The following GZMK variants were observed in gnomAD, a reference collection of about 807,000 sequenced individuals.
GZMK encodes NK-Tryp-2.
A neutral mutation model predicts 22.8 loss-of-function variants in GZMK; 18 were observed. The observed-to-expected ratio is 0.79, with a 90% CI of 0.54 to 1.17. The LOEUF is 1.17. Ranked by LOEUF, GZMK falls within the 50% of genes most tolerant of loss-of-function variation. The pLI, the probability that GZMK is intolerant of heterozygous loss-of-function variation, is 0.00. For synonymous variants in GZMK, 136 were observed against 115.0 expected (o/e 1.18, Z -1.17); for missense variants, 342 against 320.2 (o/e 1.07, Z -0.52).
chr5:55,027,155 C>T (rs1196050069), intron 2 of GZMK, among the ~76,000 whole-genome samples: 1 of 152,214 alleles, frequency 6.6e-6, no homozygotes, highest in Non-Finnish European at 1.5e-5. Flanking sequence ...TAATACCTAT[C>T]TCACCACGCT....
Position 55,033,765 on chromosome 5 carries a change from G to A in GZMK, c.634G>A (p.Gly212Ser), listed in dbSNP as rs750194442. 1.3e-6 allele frequency: 2 copies of A among 1,593,060 alleles called. No homozygotes were observed. The highest frequency in any genetic ancestry group is 1.7e-6 in the Non-Finnish European group (2 of 1,174,278). Residue 212 changes from glycine (G) to serine (S), a missense_variant and splice_region_variant, in exon 5 of 5, where the codon GGT becomes AGT. Transcript: ENST00000231009. ...DAKGQKDSCK[G>S]DSGGPLICKG... ...TATTTGCCCTTTTTCTTCCTTCCAG[G>A]GTGACTCAGGGGGCCCCTTGATCTG...
intron 2 of GZMK, 121 bp downstream of exon 2, chr5:55,024,928 A>G (rs1014492259): frequency 2.2e-5 from 13 of 586,836 alleles, no homozygotes; most frequent in Middle Eastern, 5.6e-4. Context: ...TTACTGACCA[A>G]CTGGTGGCGT....
rs372016878 is a variant in GZMK, at chr5:55,033,872, C to A, written c.741C>A (p.Thr247=). ...AGCCTGGAATCTACACCCTGTTAAC[C>A]AAGAAATACCAGACTTGGATCAAAA... is the stretch of plus-strand genomic sequence containing the variant. The part of the protein sequence containing the change: ...ATKPGIYTLL[T]KKYQTWIKSN... The change falls in exon 5 of 5, where the codon ACC becomes ACA. Residue 247 remains threonine (T), a synonymous_variant. Transcript: ENST00000231009. 1 of 1,613,662 alleles carries A rather than the reference C, an allele frequency of 6.2e-7. No homozygotes were observed. Among genetic ancestry groups the A allele is most frequent in the Non-Finnish European group, 8.5e-7 (1 of 1,179,646 alleles).
At chr5:55,027,771 G>C (rs1445590775) in intron 2 of GZMK, 1 of 152,296 alleles carries the variant, frequency 6.6e-6, no homozygotes, top group African/African-American at 2.4e-5. Context: ...GGAAAGCTCA[G>C]GGTGGGACTC....
chr5:55,031,579 CACCAAAG>C lies in GZMK; in HGVS notation c.582_588del (p.Lys195TrpfsTer22). The C allele has an allele frequency of 1.9e-6, 3 of 1,613,882 alleles. No homozygotes were observed. The highest frequency in any genetic ancestry group is 2.5e-6 in the Non-Finnish European group (3 of 1,179,764). ...GTTACTACAACGGCGACCCTTTTAT[CACCAAAG>C]ACATGGTCTGTGCAGGAGATGCCAA... On this transcript the variant is annotated frameshift_variant, in exon 4 of 5. Transcript: ENST00000231009. LOFTEE classifies it high-confidence loss of function.
Position 55,024,309 on chromosome 5 carries a change from T to C in GZMK, c.-14T>C, listed in dbSNP as rs78213068. On this transcript the variant is annotated 5_prime_UTR_variant, in exon 1 of 5. Transcript: ENST00000231009. ...ACACATTTCATCTGGGCTTCTTAAA[T>C]CTAAATCTTTAAAATGACTAAGTTT... 2,073 of 1,253,942 alleles carry C rather than the reference T, an allele frequency of 1.7e-3. 32 individuals are homozygous for C. The African/African-American group carries it at 0.029, about 17-fold the overall frequency. 77.7% of individuals were successfully genotyped at this position (1,253,942 alleles called of 1,614,324 possible).
chr5:55,025,075 C>T (rs137905459), intron 2 of GZMK: 23 of 260,862 alleles, frequency 8.8e-5, no homozygotes, highest in East Asian at 6.8e-4. Flanking sequence ...AACAGTAATA[C>T]TTGAAGCAGC....
chr5:55,033,616 G>C, intron 4 of GZMK, 149 bp from the exon 5 acceptor site: 1 of 590,222 alleles, frequency 1.7e-6, no homozygotes, highest in Non-Finnish European at 3.0e-6. Context: ...AACCTATAAC[G>C]AGTAAGAGGC....
intron 4 of GZMK, 86 bp from the exon 5 acceptor site, chr5:55,033,679 C>G: frequency 2.2e-6 from 2 of 922,858 alleles, no homozygotes; most frequent in Non-Finnish European, 3.3e-6. Context: ...GATGATAATC[C>G]CTTGAGCAAT....
At position 55,030,584 on chromosome 5, in the gene GZMK, G is replaced by A. The variant is rs754305281; in HGVS notation, c.363G>A (p.Lys121=). The part of the protein sequence containing the change: ...DPQSNDIMLV[K]LQTAAKLNKH... ...AATCAAATGATATCATGCTGGTTAA[G>A]GTAGGTAGTAGCATTGTCTTCCTTC... The change falls in exon 3 of 5, where the codon AAG becomes AAA. Residue 121 remains lysine, a splice_region_variant and synonymous_variant. Coordinates refer to ENST00000231009, the MANE Select transcript of GZMK (RefSeq NM_002104.3). 3.1e-6 allele frequency: 5 copies of A among 1,608,746 alleles called. No individual in the cohort carries two copies. Among genetic ancestry groups the A allele is most frequent in the Non-Finnish European group, 4.3e-6 (5 of 1,175,380 alleles).
chr5:55,031,484 T>C lies in GZMK; in HGVS notation c.484T>C (p.Leu162=), dbSNP rs778595106. The C allele has an allele frequency of 6.2e-6, 10 of 1,614,088 alleles. No individual in the cohort carries two copies. Among genetic ancestry groups the C allele is most frequent in the Non-Finnish European group, 7.6e-6 (9 of 1,180,022 alleles). ...TGWGATDPDS[L]RPSDTLREVT... Reference sequence around the variant, plus strand: ...CTGGGGAGCCACCGATCCAGATTCATTAAGACCTTCTGACACCCTGCGAGA... The same window carrying C: ...CTGGGGAGCCACCGATCCAGATTCACTAAGACCTTCTGACACCCTGCGAGA... The change falls in exon 4 of 5, where the codon TTA becomes CTA. Residue 162 remains leucine (L), a synonymous_variant. Coordinates refer to ENST00000231009, the MANE Select transcript of GZMK (RefSeq NM_002104.3).
chr5:55,032,794 AG>A (rs1741254464), intron 4 of GZMK: 1 of 152,226 alleles, frequency 6.6e-6, no homozygotes, highest in South Asian at 2.1e-4. Context: ...TGAGATGGTA[AG>A]GAAAAAAATA....
chr5:55,032,619 C>A (rs920283573), intron 4 of GZMK: 2 of 152,252 alleles, frequency 1.3e-5, no homozygotes. Context: ...GTAGTCCCAC[C>A]TACTCAGGAG....
chr5:55,031,282 G>C, intron 3 of GZMK, 82 bp from the exon 4 acceptor site: 1 of 1,192,970 alleles, frequency 8.4e-7, no homozygotes, highest in South Asian at 1.4e-5. Flanking sequence ...GCCTAAGACA[G>C]AGGGACCACA....
chr5:55,033,025 A>C (rs931373747), intron 4 of GZMK, among the ~76,000 whole-genome samples: 2 of 152,224 alleles, frequency 1.3e-5, no homozygotes, highest in African/African-American at 4.8e-5. Context: ...TGCAGTTTGC[A>C]ATGTGAACAT....
intron 2 of GZMK, among the ~76,000 whole-genome samples, chr5:55,025,415 G>C (rs544767668): frequency 6.6e-6 from 1 of 152,258 alleles, no homozygotes; most frequent in East Asian, 1.9e-4. Flanking sequence ...CTTCTAGAAA[G>C]AGAAAGATAA....
chr5:55,025,787 T>A (rs1741134199), intron 2 of GZMK: 1 of 152,238 alleles, frequency 6.6e-6, no homozygotes, highest in Non-Finnish European at 1.5e-5. Flanking sequence ...ATTGAATTGA[T>A]TTGCTTTTCT....
chr5:55,025,601 TTTG>T (rs1439236980), intron 2 of GZMK: 6 of 150,922 alleles, frequency 4.0e-5, no homozygotes, highest in African/African-American at 1.5e-4. Flanking sequence ...TAATTTGGTA[TTTG>T]TTGTTTTGTT....
chr5:55,024,313 A>C lies in GZMK; in HGVS notation c.-10A>C, dbSNP rs1411179324. 1.5e-6 allele frequency: 2 copies of C among 1,302,506 alleles called. No individual in the cohort carries two copies. Among genetic ancestry groups the C allele is most frequent in the South Asian group, 2.4e-5 (2 of 84,182 alleles). 80.7% of individuals were successfully genotyped at this position (1,302,506 alleles called of 1,614,324 possible). ...ATTTCATCTGGGCTTCTTAAATCTA[A>C]ATCTTTAAAATGACTAAGTTTTCTT... is the stretch of plus-strand genomic sequence containing the variant. On this transcript the variant is annotated 5_prime_UTR_variant, in exon 1 of 5. Coordinates refer to ENST00000231009, the MANE Select transcript of GZMK (RefSeq NM_002104.3).
Sources: allele counts gnomAD v4.1 joint callset (sites outside exome capture counted in the v4.1 genomes callset), GRCh38; gene constraint gnomAD v4.1.1; transcripts MANE v1.5; gene names NCBI Gene and HGNC (gene_info 2026-07-23, HGNC 2026-07-21).